The following GLRX3 variants were observed in gnomAD, a reference collection of about 807,000 sequenced individuals.
The protein encoded by GLRX3 is glutaredoxin-3.
Under a neutral mutation model 49.5 loss-of-function variants are expected in GLRX3, and 22 were observed. The ratio of observed to expected loss-of-function variants is 0.44; its 90% CI spans 0.32 to 0.63. The LOEUF is 0.63. GLRX3 is among the 30% of genes least tolerant of loss of function. The pLI, the probability that GLRX3 is intolerant of heterozygous loss-of-function variation, is 0.05. For missense variants in GLRX3, 385 were observed against 396.3 expected, an observed-to-expected ratio of 0.97 and a Z score of 0.24; for synonymous variants, 133 against 140.0, an observed-to-expected ratio of 0.95 and a Z score of 0.35.
In GLRX3 at chr10:130,168,505, T is replaced by C. The variant is rs567861790; in HGVS notation, c.714-928T>C. 4.1e-4 allele frequency among the ~76,000 whole-genome samples: 62 copies of C among 152,290 alleles called. 1 individual carries two copies. Among genetic ancestry groups the C allele is most frequent in the Non-Finnish European group, 4.4e-5 (3 of 68,018 alleles). ...TGTAGCCCAGGCTGGAGTGCAGTGG[T>C]GCTATCTTGGCTCACTGCAAGCTCC... On this transcript the variant is annotated intron_variant, in intron 6 of 10. Transcript: ENST00000331244.
At chr10:130,153,296 C>T (rs1047638578) in intron 2 of GLRX3, among the ~76,000 whole-genome samples, 1 of 152,212 alleles carries the variant, frequency 6.6e-6, no homozygotes, top group African/African-American at 2.4e-5. Context: ...AATCCTGCTT[C>T]TGTCAACTTG....
chr10:130,165,253 G>T (rs1179971142), intron 4 of GLRX3, among the ~76,000 whole-genome samples: 1 of 152,134 alleles, frequency 6.6e-6, no homozygotes, highest in Non-Finnish European at 1.5e-5. Context: ...AGAATGAGGC[G>T]TGAAAGAGTA....
chr10:130,151,918 A>C (rs1407883629), intron 2 of GLRX3, among the ~76,000 whole-genome samples: 3 of 152,122 alleles, frequency 2.0e-5, no homozygotes, highest in African/African-American at 7.2e-5. Flanking sequence ...TGAATACAGC[A>C]CACCGATGGG....
chr10:130,153,981 T>G (rs1027763668), intron 2 of GLRX3, among the ~76,000 whole-genome samples: 1 of 152,168 alleles, frequency 6.6e-6, no homozygotes, highest in Non-Finnish European at 1.5e-5. Flanking sequence ...TTGTTTACAC[T>G]GTGAGCATAG....
At chr10:130,178,322 T>C (rs1862961969) in intron 10 of GLRX3, among the ~76,000 whole-genome samples, 1 of 151,906 alleles carries the variant, frequency 6.6e-6, no homozygotes, top group Non-Finnish European at 1.5e-5. Context: ...ATCTTGGCTC[T>C]TGGGTCACTG....
intron 3 of GLRX3, among the ~76,000 whole-genome samples, chr10:130,160,542 T>TG (rs1862554562): frequency 6.6e-6 from 1 of 152,232 alleles, no homozygotes; most frequent in South Asian, 2.1e-4. Context: ...CCAGCCAATG[T>TG]GGGGGCAGTC....
At chr10:130,164,149 C>T (rs7905475) in intron 4 of GLRX3, among the ~76,000 whole-genome samples, 14,331 of 152,166 alleles carry the variant, frequency 0.094, 854 homozygotes, top group Non-Finnish European at 0.12. Context: ...GTGGGCTCTA[C>T]CTGCAGAATT....
intron 2 of GLRX3, among the ~76,000 whole-genome samples, chr10:130,152,733 A>AT (rs934483700): frequency 1.3e-5 from 2 of 150,068 alleles, no homozygotes; most frequent in African/African-American, 4.9e-5. Context: ...TGCCCTTAAC[A>AT]TTTTTTCCTT....
intron 1 of GLRX3, 118 bp from the exon 2 acceptor site, chr10:130,145,093 A>G (rs1590057902): frequency 4.0e-6 from 2 of 495,588 alleles, no homozygotes; most frequent in South Asian, 3.7e-5. Context: ...AGCAATATGA[A>G]AAACTTCAGA....
intron 2 of GLRX3, among the ~76,000 whole-genome samples, chr10:130,149,334 C>T (rs1200096003): frequency 4.6e-5 from 7 of 151,760 alleles, no homozygotes; most frequent in Non-Finnish European, 5.9e-5. Flanking sequence ...CCCAGCTACT[C>T]GGGAGGCCGA....
At chr10:130,155,455 G>A (rs1862455000) in intron 2 of GLRX3, among the ~76,000 whole-genome samples, 1 of 152,228 alleles carries the variant, frequency 6.6e-6, no homozygotes, top group Admixed American at 6.5e-5. Flanking sequence ...GGTGAGAGAT[G>A]AAATGATGTC....
intron 10 of GLRX3, 65 bp from the exon 11 acceptor site, chr10:130,179,277 G>A: frequency 2.6e-6 from 2 of 770,676 alleles, no homozygotes; most frequent in Non-Finnish European, 4.4e-6. Flanking sequence ...AGCTGTGATT[G>A]TTTAGATGTT....
chr10:130,175,901 TAG>T (rs1255569173), intron 10 of GLRX3, among the ~76,000 whole-genome samples: 1 of 152,064 alleles, frequency 6.6e-6, no homozygotes, highest in Non-Finnish European at 1.5e-5. Context: ...TGGTTGGGTA[TAG>T]AGAGGAGCTA....
intron 1 of GLRX3, among the ~76,000 whole-genome samples, chr10:130,143,527 A>G (rs926487850): frequency 2.0e-5 from 3 of 151,980 alleles, no homozygotes; most frequent in Non-Finnish European, 4.4e-5. Context: ...CATACTATAA[A>G]TGTTTAGAAT....
intron 1 of GLRX3, 137 bp downstream of exon 1, chr10:130,136,649 G>C: frequency 9.2e-7 from 1 of 1,091,682 alleles, no homozygotes; most frequent in Non-Finnish European, 1.2e-6. Flanking sequence ...ACCGGGCCCG[G>C]CGCCACCCGT....
chr10:130,162,746 A>T (rs1214195045), intron 4 of GLRX3, among the ~76,000 whole-genome samples: 1 of 152,218 alleles, frequency 6.6e-6, no homozygotes, highest in Non-Finnish European at 1.5e-5. Flanking sequence ...GAGTGCTCAG[A>T]GGAGAAGGAT....
At chr10:130,174,935 T>G in intron 9 of GLRX3, 29 bp downstream of exon 9, 1 of 1,582,956 alleles carries the variant, frequency 6.3e-7, no homozygotes, top group Non-Finnish European at 8.7e-7. Context: ...GTTTCACCCT[T>G]GTCTTAGCTT....
intron 3 of GLRX3, among the ~76,000 whole-genome samples, 186 bp from the exon 4 acceptor site, chr10:130,160,610 C>CA (rs774808269): frequency 1.3e-5 from 2 of 152,082 alleles, no homozygotes. Context: ...AGTGTTTTCT[C>CA]AGTGTGTTTC....
intron 1 of GLRX3, among the ~76,000 whole-genome samples, chr10:130,141,404 C>T (rs564355610): frequency 2.0e-5 from 3 of 152,066 alleles, no homozygotes; most frequent in Admixed American, 6.5e-5. Context: ...AGATCTTAAT[C>T]GTCAGATGTG....
Sources: allele counts gnomAD v4.1 joint callset (sites outside exome capture counted in the v4.1 genomes callset), GRCh38; gene constraint gnomAD v4.1.1; transcripts MANE v1.5; gene names NCBI Gene and HGNC (gene_info 2026-07-23, HGNC 2026-07-21).